Variants in PPM1M observed in about 807,000 individuals in gnomAD.
PPM1M encodes the protein protein phosphatase, Mg2+/Mn2+ dependent 1M, also known as protein phosphatase 1M.
In PPM1M, 44 loss-of-function variants were observed where a neutral mutation model predicts 50.8. The observed-to-expected ratio is 0.87, with a 90% CI of 0.68 to 1.11. PPM1M has a LOEUF of 1.11. Ranked by LOEUF, PPM1M falls within the 50% of genes most tolerant of loss-of-function variation. The pLI, the probability that PPM1M is intolerant of heterozygous loss-of-function variation, is 0.00. For synonymous variants in PPM1M, 224 were observed against 242.9 expected (o/e 0.92, Z 0.72); for missense variants, 556 against 593.4 (o/e 0.94, Z 0.66).
Position 52,249,275 on chromosome 3 carries a change from A to G in PPM1M, c.1188A>G (p.Ala396=), listed in dbSNP as rs374859727. 6.9e-5 allele frequency: 111 copies of G among 1,613,098 alleles called. 1 individual carries two copies. The highest frequency in any genetic ancestry group is 3.1e-4 in the East Asian group (14 of 44,860). ...ATGTACTGTCCAACGAGCAGGTGGC[A>G]TGGCTGGTGCGGAGCTTCCTCCCTG... ...LWDVLSNEQV[A]WLVRSFLPGN... The change falls in exon 9 of 10, where the codon GCA becomes GCG. Residue 396 remains alanine, a synonymous_variant. Coordinates refer to ENST00000323588, the MANE Select transcript of PPM1M (RefSeq NM_144641.4).
rs1369835229 is a variant in PPM1M at position 52,245,894 on chromosome 3, C to T, written c.70C>T (p.Pro24Ser). The change falls in exon 1 of 10, where the codon CCG becomes TCG. Residue 24 changes from proline (P) to serine (S), a missense_variant. Pro to Ser is a moderately conservative substitution (Grantham distance 74, BLOSUM62 -1). Coordinates refer to ENST00000323588, the MANE Select transcript of PPM1M (RefSeq NM_144641.4). The surrounding 1 kb of genome is among the most constrained non-coding windows in gnomAD (Gnocchi z 4.8). ...EPLPAPRPPG[P>S]HASPVPYRRP... ...GCTCCCCGCGCCGCGGCCGCCTGGG[C>T]CGCATGCCAGCCCCGTGCCCTACCG... 8.7e-7 allele frequency: 1 copy of T among 1,148,800 alleles called. No individual in the cohort carries two copies. The allele number at this position is 1,148,800 out of a possible 1,614,324, so 71.2% of individuals were successfully genotyped here. A position where few individuals can be genotyped will look rare whatever the true frequency, so the allele number is the denominator to read the frequency against.
rs1008660186 is a variant in PPM1M, at chr3:52,250,146, C to T, written c.*332C>T. 8.0e-6 allele frequency: 2 copies of T among 250,010 alleles called. No individual in the cohort carries two copies. The highest frequency in any genetic ancestry group is 4.4e-5 in the Admixed American group (1 of 22,896). The allele number at this position is 250,010 out of a possible 1,614,324, so 15.5% of individuals were successfully genotyped here. ...AAAGTATCATTCTCAGATAGGGGCA[C>T]CCAAGCTAAGGGTATTAGCCAAAGA... On this transcript the variant is annotated 3_prime_UTR_variant, in exon 10 of 10. Transcript: ENST00000323588.
At chr3:52,249,531 G>A (rs1577999191) in intron 9 of PPM1M, 139 bp from the exon 10 acceptor site, 1 of 1,371,132 alleles carries the variant, frequency 7.3e-7, no homozygotes, top group Non-Finnish European at 1.0e-6. Context: ...GGCCCTCCCA[G>A]ACTTGCTGCT....
rs1351933473 is a variant in PPM1M at position 52,246,756 on chromosome 3, A to C, written c.286A>C (p.Ile96Leu). 6.8e-6 allele frequency: 9 copies of C among 1,333,088 alleles called. No homozygotes were observed. The highest frequency in any genetic ancestry group is 7.9e-6 in the Non-Finnish European group (8 of 1,008,246). 82.6% of individuals were successfully genotyped at this position (1,333,088 alleles called of 1,614,324 possible). Reference sequence around the variant, plus strand: ...TCAAGCCGCCTGTGGGAAGCTGTGCATCCGGAGATGTGAGTTTGGGGCTGA... The same window carrying C: ...TCAAGCCGCCTGTGGGAAGCTGTGCCTCCGGAGATGTGAGTTTGGGGCTGA... The part of the protein sequence containing the change: ...EDQAACGKLC[I>L]RRCEFGAEEE... The change falls in exon 2 of 10, where the codon ATC (isoleucine) becomes CTC (leucine). Residue 96 changes from isoleucine (I) to leucine (L), a missense_variant. Transcript: ENST00000323588.
Position 52,249,942 on chromosome 3 carries a change from C to T in PPM1M, c.*128C>T. 1.3e-6 allele frequency: 1 copy of T among 780,094 alleles called. No homozygotes were observed. Among genetic ancestry groups the T allele is most frequent in the Non-Finnish European group, 2.1e-6 (1 of 481,400 alleles). The allele number at this position is 780,094 out of a possible 1,614,324, so 48.3% of individuals were successfully genotyped here. ...ACCGCCCAGTGCTCTCACTATCCAC[C>T]TCAACACACATCCATCTCAAGAGGA... On this transcript the variant is annotated 3_prime_UTR_variant, in exon 10 of 10. Transcript: ENST00000323588.
At chr3:52,248,077 AGGG>A in intron 4 of PPM1M, 73 bp from the exon 5 acceptor site, 1 of 1,247,206 alleles carries the variant, frequency 8.0e-7, no homozygotes, top group African/African-American at 1.5e-5. Flanking sequence ...TGGTTGGAGG[AGGG>A]ACTGGTAGGA....
intron 3 of PPM1M, chr3:52,247,478 G>T: frequency 1.5e-6 from 1 of 673,744 alleles, no homozygotes; most frequent in East Asian, 2.7e-5. Context: ...CTTGGTGCAG[G>T]GGCTGGTTTC....
rs148787366 is a variant in PPM1M, at chr3:52,249,339, G to A, written c.1235+17G>A. The A allele has an allele frequency of 2.5e-6, 4 of 1,579,538 alleles. No homozygotes were observed. The highest frequency in any genetic ancestry group is 3.4e-6 in the Non-Finnish European group (4 of 1,162,632). Reference sequence around the variant, plus strand: ...CCCACACAGGTACTGTAGCTGCTGGGGACCTGCCTGGGCCTGGGTTGGTGC... The same window carrying A: ...CCCACACAGGTACTGTAGCTGCTGGAGACCTGCCTGGGCCTGGGTTGGTGC... On this transcript the variant is annotated intron_variant, in intron 9 of 9. Transcript: ENST00000323588.
In PPM1M at chr3:52,247,074, TGGAGGCCG is replaced by T. The variant is rs769997727; in HGVS notation, c.444_451del (p.Glu149GlyfsTer22). The T allele has an allele frequency of 6.3e-7, 1 of 1,575,036 alleles. No homozygotes were observed. On this transcript the variant is annotated frameshift_variant, in exon 3 of 10. Transcript: ENST00000323588. LOFTEE classifies it high-confidence loss of function. The stretch of plus-strand genomic sequence containing the variant: ...CTGCACTCCTGCTTGCGCCGGCAGC[TGGAGGCCG>T]TGGTGGAAGGCTTGGTGGCCACTCA...
At chr3:52,249,115 C>T in intron 8 of PPM1M, 52 bp downstream of exon 8, 2 of 1,609,650 alleles carry the variant, frequency 1.2e-6, no homozygotes, top group Non-Finnish European at 1.7e-6. Flanking sequence ...GAAAGGCAGA[C>T]AGTGAGGCTG....
chr3:52,247,066 C>A lies in PPM1M; in HGVS notation c.435C>A (p.Arg145=). The change falls in exon 3 of 10, where the codon CGC becomes CGA. Residue 145 remains arginine, a synonymous_variant. Coordinates refer to ENST00000323588, the MANE Select transcript of PPM1M (RefSeq NM_144641.4). ...CCAACACCCTGCACTCCTGCTTGCG[C>A]CGGCAGCTGGAGGCCGTGGTGGAAG... ...LAANTLHSCL[R]RQLEAVVEGL... is the part of the protein sequence containing the mutation. 1 of 1,566,314 alleles carries A rather than the reference C, an allele frequency of 6.4e-7. No homozygotes were observed. The highest frequency in any genetic ancestry group is 8.7e-7 in the Non-Finnish European group (1 of 1,155,312).
intron 3 of PPM1M, 58 bp downstream of exon 3, chr3:52,247,286 G>A: frequency 6.5e-7 from 1 of 1,541,108 alleles, no homozygotes; most frequent in Non-Finnish European, 8.8e-7. Flanking sequence ...GGGATCTCAG[G>A]AAATGGCATC....
rs1359864599 is a variant in PPM1M at position 52,245,791 on chromosome 3, C to T, written c.-34C>T. On this transcript the variant is annotated 5_prime_UTR_variant, in exon 1 of 10. Transcript: ENST00000323588. This position sits in a 1 kb window ranked among gnomAD's most constrained non-coding sequence, Gnocchi z 4.8. ...CCGCGGGCGGCCCAGCCCTAGCGCC[C>T]CGCGCTCCGCGGGCAGCCCCCTGCC... 3 of 984,706 alleles carry T rather than the reference C, an allele frequency of 3.0e-6. No individual in the cohort carries two copies. Among genetic ancestry groups the T allele is most frequent in the Non-Finnish European group, 3.6e-6 (3 of 829,002 alleles). 61.0% of individuals were successfully genotyped at this position (984,706 alleles called of 1,614,324 possible). A position where few individuals can be genotyped will look rare whatever the true frequency, so the allele number is the denominator to read the frequency against.
rs749558995 is a variant in PPM1M, at chr3:52,249,796, A to G, written c.1362A>G (p.Gln454=). 10 of 1,613,458 alleles carry G rather than the reference A, an allele frequency of 6.2e-6. No individual in the cohort carries two copies. The South Asian group carries it at 9.9e-5, about 16-fold the overall frequency. Residue 454 remains glutamine, a synonymous_variant, in exon 10 of 10, where the codon CAA becomes CAG. Coordinates refer to ENST00000323588, the MANE Select transcript of PPM1M (RefSeq NM_144641.4). ...TGATTCCCTTGCACAGTCAGGGCCA[A>G]GAGAGCAGTGACCACTGAGGATTCA... is the stretch of plus-strand genomic sequence containing the variant. ...VFVIPLHSQG[Q]ESSDH
At chr3:52,246,097 T>C (rs1699852358) in intron 1 of PPM1M, 49 bp downstream of exon 1, 1 of 1,040,174 alleles carries the variant, frequency 9.6e-7, no homozygotes, top group Admixed American at 5.8e-5. Context: ...CTGAACCCGC[T>C]TCGGGTCCTG....
chr3:52,247,249 T>G, intron 3 of PPM1M, 21 bp downstream of exon 3: 1 of 1,595,032 alleles, frequency 6.3e-7, no homozygotes, highest in Non-Finnish European at 8.6e-7. Context: ...GGCTTTTGGC[T>G]GGGGAAGAAG....
In PPM1M at chr3:52,248,957, C is replaced by T. The variant is rs1308325138; in HGVS notation, c.980C>T (p.Ala327Val). 1 of 1,602,492 alleles carries T rather than the reference C, an allele frequency of 6.2e-7. No individual in the cohort carries two copies. Among genetic ancestry groups the T allele is most frequent in the Admixed American group, 1.7e-5 (1 of 58,148 alleles). ...YPLIHGQGRQ[A>V]RLLGTLAVSR... Reference sequence around the variant, plus strand: ...GCCTCACACCTCACTTTCCCTCAGGCTCGGTTACTAGGAACACTGGCTGTC... The same window carrying T: ...GCCTCACACCTCACTTTCCCTCAGGTTCGGTTACTAGGAACACTGGCTGTC... The change falls in exon 8 of 10, where the codon GCT becomes GTT. Residue 327 changes from alanine to valine, a missense_variant and splice_region_variant. By Grantham distance (64) the Ala-to-Val change is moderately conservative. Transcript: ENST00000323588.
chr3:52,249,728 A>T lies in PPM1M; in HGVS notation c.1294A>T (p.Thr432Ser). Residue 432 changes from threonine (T) to serine (S), a missense_variant, in exon 10 of 10, where the codon ACA becomes TCA. By Grantham distance (58) the Thr-to-Ser change is moderately conservative (BLOSUM62 1). Transcript: ENST00000323588. ...CACACAGGGAAAGGAAGACAGTCTC[A>T]CAGAGGAAGGGCAGGTGTCCTACGA... The part of the protein sequence containing the change: ...HSTQGKEDSL[T>S]EEGQVSYDDV... 1 of 1,613,964 alleles carries T rather than the reference A, an allele frequency of 6.2e-7. No homozygotes were observed. The highest frequency in any genetic ancestry group is 8.5e-7 in the Non-Finnish European group (1 of 1,179,876).
At chr3:52,248,722 A>T in intron 7 of PPM1M, 22 bp downstream of exon 7, 1 of 1,611,806 alleles carries the variant, frequency 6.2e-7, no homozygotes. Context: ...GTCCTCCTCA[A>T]CCCCAAGAAT....
Sources: gnomAD v4.1 joint callset for allele counts on GRCh38, gnomAD v4.1.1 for gene constraint, Gnocchi (gnomAD v3.1) non-coding constraint, MANE v1.5 for transcripts, NCBI Gene and HGNC (gene_info 2026-07-23, HGNC 2026-07-21) for gene names.